The following COLEC10 variants were observed in gnomAD, a reference collection of about 807,000 sequenced individuals.
The protein encoded by COLEC10 is collectin-10.
In COLEC10, 22 loss-of-function variants were observed where a neutral mutation model predicts 28.4. The observed-to-expected ratio is 0.78, with a 90% CI of 0.55 to 1.11. COLEC10 has a LOEUF of 1.11. Ranked by LOEUF, COLEC10 falls within the 50% of genes least tolerant of loss-of-function variation. The pLI is 0.00. For synonymous variants in COLEC10, 125 were observed against 116.1 expected (o/e 1.08, Z -0.49); for missense variants, 361 against 344.1 (o/e 1.05, Z -0.39).
At chr8:118,973,958 A>G in the COLEC10 span, among the ~76,000 whole-genome samples, 1 of 151,864 alleles carries the variant, frequency 6.6e-6, no homozygotes, top group Non-Finnish European at 1.5e-5. Context: ...CTTTCTTCTT[A>G]TTCCTCAAAC....
the COLEC10 span, among the ~76,000 whole-genome samples, chr8:118,961,206 G>A: frequency 1.3e-5 from 2 of 152,138 alleles, no homozygotes; most frequent in Non-Finnish European, 2.9e-5. Context: ...CTAGTGACCA[G>A]TCCAAGGTGA....
Position 119,107,591 on chromosome 8 carries a change from TTA to T in COLEC10, c.*1402_*1403del, listed in dbSNP as rs1815974009. On this transcript the variant is annotated 3_prime_UTR_variant, in exon 6 of 6. Transcript: ENST00000332843. ...CATGATTTCACCCGTGACTAACTGGTTATGAGATAGGACTTAATTAGGTTATT... is the reference window on the plus strand; with the variant it reads ...CATGATTTCACCCGTGACTAACTGGTTGAGATAGGACTTAATTAGGTTATT... 6.6e-6 allele frequency among the ~76,000 whole-genome samples: 1 copy of T among 152,176 alleles called. No homozygotes were observed. The highest frequency in any genetic ancestry group is 2.1e-4 in the South Asian group (1 of 4,834).
chr8:119,063,859 A>G (rs2130202648), upstream of COLEC10, among the ~76,000 whole-genome samples: 1 of 152,028 alleles, frequency 6.6e-6, no homozygotes, highest in African/African-American at 2.4e-5. Context: ...GAAATGAAAG[A>G]TAAAAGCAGT....
In COLEC10 at chr8:119,036,594, T is replaced by C. The variant is rs145447975; in HGVS notation, n.235+27041T>C. Reference sequence around the variant, plus strand: ...TCTGTGTACCTTCCTTTACAGCTGGTTGAGGGTATGGTATTTATCAATGTT... The same window carrying C: ...TCTGTGTACCTTCCTTTACAGCTGGCTGAGGGTATGGTATTTATCAATGTT... On this transcript the variant is annotated intron_variant and non_coding_transcript_variant, in intron 2 of 6. Coordinates refer to the COLEC10 transcript ENST00000521788. Among the ~76,000 whole-genome samples, 519 of 152,256 alleles carry C rather than the reference T, an allele frequency of 3.4e-3. 2 individuals are homozygous for C. Among genetic ancestry groups the C allele is most frequent in the Non-Finnish European group, 6.5e-3 (439 of 68,004 alleles).
At chr8:119,091,282 G>T in intron 3 of COLEC10, 62 bp downstream of exon 3, 1 of 1,212,892 alleles carries the variant, frequency 8.2e-7, no homozygotes, top group Non-Finnish European at 1.2e-6. Context: ...GGGTACGATG[G>T]CTCACACCAG....
At chr8:118,980,928 A>G in the COLEC10 span, among the ~76,000 whole-genome samples, 1 of 151,752 alleles carries the variant, frequency 6.6e-6, no homozygotes, top group Non-Finnish European at 1.5e-5. Context: ...CATCTAGGGC[A>G]AACTTTGTTA....
chr8:119,095,514 C>T (rs1484695889), intron 3 of COLEC10, among the ~76,000 whole-genome samples: 1 of 152,102 alleles, frequency 6.6e-6, no homozygotes, highest in African/African-American at 2.4e-5. Flanking sequence ...ACCAGCCTAG[C>T]CACATGATGA....
intron 2 of COLEC10, among the ~76,000 whole-genome samples, chr8:119,021,188 C>G (rs993017066): frequency 6.6e-6 from 1 of 152,136 alleles, no homozygotes; most frequent in Non-Finnish European, 1.5e-5. Context: ...CAATTTAAAT[C>G]TATAATGTTA....
At chr8:119,028,923 C>T (rs1196132851) in intron 2 of COLEC10, among the ~76,000 whole-genome samples, 1 of 152,134 alleles carries the variant, frequency 6.6e-6, no homozygotes, top group African/African-American at 2.4e-5. Flanking sequence ...TGAGCATCTA[C>T]TACATGTTAA....
the COLEC10 span, among the ~76,000 whole-genome samples, chr8:118,984,644 G>A: frequency 6.6e-6 from 1 of 152,100 alleles, no homozygotes; most frequent in Non-Finnish European, 1.5e-5. Flanking sequence ...GATGATAGAG[G>A]CAGAGATTGG....
At chr8:119,041,722 C>T (rs935049389) in intron 2 of COLEC10, among the ~76,000 whole-genome samples, 21 of 152,236 alleles carry the variant, frequency 1.4e-4, no homozygotes, top group South Asian at 6.2e-4. Context: ...TATTGTTACA[C>T]GACTTAGTAA....
At chr8:119,082,313 C>T (rs900538687) in intron 1 of COLEC10, among the ~76,000 whole-genome samples, 2 of 152,144 alleles carry the variant, frequency 1.3e-5, no homozygotes, top group Non-Finnish European at 2.9e-5. Context: ...CATTAATCAG[C>T]CATTATTGAG....
At chr8:119,025,583 C>T (rs1298153793) in intron 2 of COLEC10, among the ~76,000 whole-genome samples, 1 of 152,112 alleles carries the variant, frequency 6.6e-6, no homozygotes, top group Non-Finnish European at 1.5e-5. Context: ...AGTGTGGACA[C>T]CAGGCACAAA....
In COLEC10 at chr8:119,023,048, A is replaced by G. The variant is rs139528328; in HGVS notation, n.235+13495A>G. ...GTAATTCCTGGTCTATCCCAGATAT[A>G]CACATGGTTTATATCTCTCTTGCTT... is the stretch of plus-strand genomic sequence containing the variant. On this transcript the variant is annotated intron_variant and non_coding_transcript_variant, in intron 2 of 6. Coordinates refer to the COLEC10 transcript ENST00000521788. 4.7e-3 allele frequency among the ~76,000 whole-genome samples: 718 copies of G among 152,238 alleles called. 9 individuals carry two copies. The highest frequency in any genetic ancestry group is 0.023 in the South Asian group (111 of 4,826).
At chr8:118,969,681 G>C in the COLEC10 span, among the ~76,000 whole-genome samples, 2 of 149,008 alleles carry the variant, frequency 1.3e-5, no homozygotes, top group Admixed American at 1.3e-4. Context: ...TAATTGGCTT[G>C]TTTCTTTCTT....
At chr8:119,048,529 G>A (rs1489191776) in intron 2 of COLEC10, among the ~76,000 whole-genome samples, 3 of 152,120 alleles carry the variant, frequency 2.0e-5, no homozygotes, top group Non-Finnish European at 4.4e-5. Flanking sequence ...TCCAATGTTG[G>A]ATGTACATAT....
chr8:119,041,331 G>C (rs1252534397), intron 2 of COLEC10, among the ~76,000 whole-genome samples: 2 of 151,964 alleles, frequency 1.3e-5, no homozygotes, highest in Admixed American at 1.3e-4. Flanking sequence ...CTTACCTGAA[G>C]TTCTTTTTAA....
At chr8:119,067,699 C>A (rs752182277) in intron 1 of COLEC10, 5 of 337,998 alleles carry the variant, frequency 1.5e-5, no homozygotes, top group African/African-American at 1.1e-4. Flanking sequence ...ATTCCCTGTT[C>A]CATTCTGCTC....
chr8:119,034,098 T>C (rs149151364), intron 2 of COLEC10, among the ~76,000 whole-genome samples: 1,996 of 152,074 alleles, frequency 0.013, 51 homozygotes, highest in African/African-American at 0.045. Flanking sequence ...TGCAGGGAAA[T>C]GGATGAAGCT....
Sources: gnomAD v4.1 joint callset for allele counts (sites outside exome capture counted in the v4.1 genomes callset) on GRCh38, gnomAD v4.1.1 for gene constraint, MANE v1.5 for transcripts, NCBI Gene and HGNC (gene_info 2026-07-23, HGNC 2026-07-21) for gene names.